The following GLIS1 variants were observed in gnomAD, a reference collection of about 807,000 sequenced individuals.
The protein encoded by GLIS1 is GLIS family zinc finger 1, also known as zinc finger protein GLIS1.
A neutral mutation model predicts 63.8 loss-of-function variants in GLIS1; 24 were observed. That is an observed-to-expected ratio of 0.38 (90% CI 0.27 to 0.53). The LOEUF (loss-of-function observed/expected upper bound fraction) is 0.53, where lower values mean the gene tolerates loss of function less well. GLIS1 is among the 20% of genes least tolerant of loss of function. The pLI, the probability that GLIS1 is intolerant of heterozygous loss-of-function variation, is 0.85. For missense variants in GLIS1, 1,036 were observed against 1,074.1 expected (o/e 0.96, Z 0.50); for synonymous variants, 450 against 482.5 (o/e 0.93, Z 0.88).
At chr1:53,708,893 C>T (rs911394479) in intron 2 of GLIS1, among the ~76,000 whole-genome samples, 4 of 152,120 alleles carry the variant, frequency 2.6e-5, no homozygotes, top group African/African-American at 7.2e-5. Flanking sequence ...GGAGCCTGCC[C>T]GTACCCAGCA....
chr1:53,642,683 T>C (rs1469158433), intron 2 of GLIS1, among the ~76,000 whole-genome samples: 1 of 152,174 alleles, frequency 6.6e-6, no homozygotes, highest in Non-Finnish European at 1.5e-5. Flanking sequence ...AGCTCTCTCC[T>C]TTCTTGTGTC....
intron 4 of GLIS1, among the ~76,000 whole-genome samples, chr1:53,544,072 C>G (rs539764472): frequency 1.3e-5 from 2 of 152,200 alleles, no homozygotes; most frequent in South Asian, 4.2e-4. Flanking sequence ...CTGCGCCACC[C>G]GACTCAGAGG....
chr1:53,602,120 G>A (rs1056072202), intron 2 of GLIS1, among the ~76,000 whole-genome samples: 4 of 152,178 alleles, frequency 2.6e-5, no homozygotes, highest in South Asian at 2.1e-4. Flanking sequence ...TGCGAGCAAC[G>A]CTTGTTCCCA....
At chr1:53,653,665 C>T (rs545942404) in intron 2 of GLIS1, among the ~76,000 whole-genome samples, 73 of 152,300 alleles carry the variant, frequency 4.8e-4, no homozygotes, top group African/African-American at 1.6e-3. Context: ...CTTCTTCCTG[C>T]GGCACAGGTG....
intron 2 of GLIS1, among the ~76,000 whole-genome samples, chr1:53,721,160 A>AT (rs146316440): frequency 2.0e-5 from 3 of 152,144 alleles, no homozygotes; most frequent in African/African-American, 7.2e-5. Context: ...GGAAAAAAAA[A>AT]GAGAACTAAA....
At chr1:53,711,950 C>T (rs1016713395) in intron 2 of GLIS1, among the ~76,000 whole-genome samples, 3 of 152,184 alleles carry the variant, frequency 2.0e-5, no homozygotes, top group Non-Finnish European at 2.9e-5. Flanking sequence ...TGGGAGCCTG[C>T]GGGTCTGTGA....
rs115703018 is a variant in GLIS1 at position 53,629,007 on chromosome 1, A to G, written c.260-28729T>C. Among the ~76,000 whole-genome samples, 502 of 152,178 alleles carry G rather than the reference A, an allele frequency of 3.3e-3. 3 individuals carry two copies. Among genetic ancestry groups the G allele is most frequent in the African/African-American group, 0.011 (475 of 41,494 alleles). ...TCTGGGCTCTGCTCAGGTAGATCAA[A>G]TCGAATCTCACCTCTCTGATCTGAT... is the stretch of plus-strand genomic sequence containing the variant. On this transcript the variant is annotated intron_variant, in intron 2 of 10. Transcript: ENST00000628545.
intron 2 of GLIS1, among the ~76,000 whole-genome samples, chr1:53,695,438 C>T (rs969097378): frequency 9.9e-5 from 15 of 151,392 alleles, no homozygotes; most frequent in Non-Finnish European, 1.8e-4. Flanking sequence ...AAGAAGGTGA[C>T]AGACAGGGCA....
At chr1:53,713,800 A>G (rs1646670453) in intron 2 of GLIS1, among the ~76,000 whole-genome samples, 2 of 152,218 alleles carry the variant, frequency 1.3e-5, no homozygotes, top group Non-Finnish European at 2.9e-5. Context: ...AGAGAGCAAG[A>G]GAGAAGTAAA....
chr1:53,524,950 C>A, intron 5 of GLIS1, 63 bp from the exon 6 acceptor site: 1 of 1,248,442 alleles, frequency 8.0e-7, no homozygotes, highest in East Asian at 2.3e-5. Context: ...CGCGCCTCCG[C>A]GTGACCTGCT....
chr1:53,710,171 C>G (rs185860105), intron 2 of GLIS1, among the ~76,000 whole-genome samples: 1 of 152,340 alleles, frequency 6.6e-6, no homozygotes, highest in African/African-American at 2.4e-5. Context: ...CTCTCCCAAG[C>G]CCCCCAAACA....
chr1:53,594,398 G>A lies in GLIS1; in HGVS notation c.1030C>T (p.Pro344Ser), dbSNP rs867195754. 1 of 1,612,246 alleles carries A rather than the reference G, an allele frequency of 6.2e-7. No individual in the cohort carries two copies. The change falls in exon 4 of 11, where the codon CCC (proline) becomes TCC (serine). Residue 344 changes from proline to serine, a missense_variant. By Grantham distance (74) the Pro-to-Ser change is moderately conservative. This residue lies in a region of GLIS1 where 592 missense variants were observed against 593.9 expected (regional missense o/e 1.00). Transcript: ENST00000628545. ...GGGCCAGGCGGCAACTGAGACAGGG[G>A]ATAGGGGGGCGGCAGGCCCTGCTGG... ...PHQQGLPPPY[P>S]LSQLPPGPSL...
At chr1:53,640,307 G>A (rs1645772674) in intron 2 of GLIS1, among the ~76,000 whole-genome samples, 2 of 152,148 alleles carry the variant, frequency 1.3e-5, no homozygotes, top group African/African-American at 4.8e-5. Flanking sequence ...AATACCCAGG[G>A]CTGCATCCAC....
chr1:53,714,223 T>G (rs531584978), intron 2 of GLIS1, among the ~76,000 whole-genome samples: 2 of 152,208 alleles, frequency 1.3e-5, no homozygotes, highest in Non-Finnish European at 2.9e-5. Context: ...CTTCTGAGTC[T>G]CAGCTCCTTC....
intron 2 of GLIS1, among the ~76,000 whole-genome samples, chr1:53,686,096 C>G (rs889510709): frequency 6.6e-6 from 1 of 152,212 alleles, no homozygotes; most frequent in African/African-American, 2.4e-5. Context: ...CACCTATGGC[C>G]ATTGTTCCTT....
intron 2 of GLIS1, among the ~76,000 whole-genome samples, chr1:53,652,578 T>C (rs771388616): frequency 6.6e-6 from 1 of 152,102 alleles, no homozygotes; most frequent in Non-Finnish European, 1.5e-5. Flanking sequence ...AGGGCAGGGA[T>C]AGTGTCTGAC....
At chr1:53,698,852 T>A (rs1646493933) in intron 2 of GLIS1, among the ~76,000 whole-genome samples, 1 of 152,120 alleles carries the variant, frequency 6.6e-6, no homozygotes, top group Non-Finnish European at 1.5e-5. Flanking sequence ...CTGACCCTCA[T>A]CACGAACCTG....
chr1:53,585,290 TA>T (rs1423814859), intron 4 of GLIS1, among the ~76,000 whole-genome samples: 1 of 152,040 alleles, frequency 6.6e-6, no homozygotes, highest in African/African-American at 2.4e-5. Flanking sequence ...AGGTAAGTGC[TA>T]CACATATATG....
chr1:53,686,598 C>A (rs1233039145), intron 2 of GLIS1, among the ~76,000 whole-genome samples: 1 of 152,120 alleles, frequency 6.6e-6, no homozygotes, highest in Non-Finnish European at 1.5e-5. Flanking sequence ...GCGAGGGAAG[C>A]AGATAAACTG....
Sources: gnomAD v4.1 joint callset for allele counts (sites outside exome capture counted in the v4.1 genomes callset) on GRCh38, gnomAD v4.1.1 for gene constraint, gnomAD v4.1.1 regional missense constraint, MANE v1.5 for transcripts, NCBI Gene and HGNC (gene_info 2026-07-23, HGNC 2026-07-21) for gene names.